ACAD10: variants seen among roughly 807,000 people sequenced by gnomAD.
ACAD10 encodes the protein ACAD-10.
In ACAD10, 112 loss-of-function variants were observed where a neutral mutation model predicts 116.8. That is an observed-to-expected ratio of 0.96 (90% CI 0.82 to 1.12). The LOEUF is 1.12. ACAD10 is among the 50% of genes most tolerant of loss of function. The pLI is 0.00. For missense variants in ACAD10, 1,259 were observed against 1,350.2 expected (o/e 0.93, Z 1.06); for synonymous variants, 486 against 510.6 (o/e 0.95, Z 0.65).
chr12:111,692,926 G>A, intron 2 of ACAD10, 30 bp downstream of exon 2: 2 of 1,606,274 alleles, frequency 1.2e-6, no homozygotes, highest in Non-Finnish European at 1.7e-6. Flanking sequence ...TCACTTTGTG[G>A]GACTAGAGTG....
rs572422068 is a variant in ACAD10, at chr12:111,728,214, G to A, written c.1243+71G>A. On this transcript the variant is annotated intron_variant, in intron 9 of 20. Transcript: ENST00000313698. ...TGCTTCTGCTTTTAGGATCTGAATC[G>A]TTTTGGGTCGTTTTGAGTATTAGCA... The A allele has an allele frequency of 1.4e-3, 2,088 of 1,465,410 alleles. 6 individuals are homozygous for A. Among genetic ancestry groups the A allele is most frequent in the South Asian group, 6.0e-3 (434 of 71,948 alleles). The allele number at this position is 1,465,410 out of a possible 1,614,324, so 90.8% of individuals were successfully genotyped here. A position where few individuals can be genotyped will look rare whatever the true frequency, so the allele number is the denominator to read the frequency against.
chr12:111,697,582 C>A (rs1314742111), intron 2 of ACAD10, among the ~76,000 whole-genome samples: 1 of 125,888 alleles, frequency 7.9e-6, no homozygotes, highest in Admixed American at 8.1e-5. Context: ...GTTGGTCTCT[C>A]TCTTTTTTTT....
chr12:111,748,944 T>A, intron 17 of ACAD10: 1 of 1,467,722 alleles, frequency 6.8e-7, no homozygotes, highest in Middle Eastern at 1.7e-4. Flanking sequence ...ATTATGTTTT[T>A]ATAAAAGGAA....
intron 17 of ACAD10, 160 bp from the exon 18 acceptor site, chr12:111,749,012 CT>C (rs1889993876): frequency 6.2e-7 from 1 of 1,612,416 alleles, no homozygotes; most frequent in Non-Finnish European, 8.5e-7. Context: ...GTTTAACAGG[CT>C]GTTTCCTGCC....
chr12:111,710,587 C>G (rs935980883), intron 5 of ACAD10, among the ~76,000 whole-genome samples: 1 of 151,788 alleles, frequency 6.6e-6, no homozygotes, highest in Admixed American at 6.6e-5. Flanking sequence ...CTCTGCCTCC[C>G]TGGTTCAAGC....
intron 10 of ACAD10, among the ~76,000 whole-genome samples, chr12:111,730,227 A>G (rs890484805): frequency 6.6e-6 from 1 of 152,152 alleles, no homozygotes; most frequent in South Asian, 2.1e-4. Context: ...ACCCCTCCCC[A>G]CAGAGTGTGA....
chr12:111,736,672 T>C (rs1008060007), intron 11 of ACAD10, among the ~76,000 whole-genome samples, 159 bp from the exon 12 acceptor site: 9 of 152,190 alleles, frequency 5.9e-5, no homozygotes, highest in African/African-American at 2.2e-4. Context: ...CCCAGCCATC[T>C]AAGGGAGCAA....
intron 18 of ACAD10, chr12:111,753,448 A>G (rs776381450): frequency 7.5e-6 from 4 of 534,858 alleles, no homozygotes; most frequent in Admixed American, 2.2e-5. Flanking sequence ...GCTCAGATCT[A>G]TAACTGCTCC....
At chr12:111,693,304 C>T (rs536846943) in intron 2 of ACAD10, among the ~76,000 whole-genome samples, 2 of 152,130 alleles carry the variant, frequency 1.3e-5, no homozygotes, top group Admixed American at 6.6e-5. Context: ...TTTTGGAGGC[C>T]GAGGTGAGAG....
intron 10 of ACAD10, 83 bp from the exon 11 acceptor site, chr12:111,733,840 C>T: frequency 6.3e-7 from 1 of 1,575,842 alleles, no homozygotes; most frequent in Non-Finnish European, 8.7e-7. Flanking sequence ...GGAGCCAAGC[C>T]TAAAGGGCAA....
intron 1 of ACAD10, among the ~76,000 whole-genome samples, chr12:111,691,693 T>A (rs1052510652): frequency 9.3e-5 from 14 of 150,620 alleles, no homozygotes; most frequent in Non-Finnish European, 1.6e-4. Flanking sequence ...CCTCCCAAGT[T>A]CAAGCAATTC....
At chr12:111,698,622 C>T (rs1260913893) in intron 2 of ACAD10, among the ~76,000 whole-genome samples, 3 of 151,406 alleles carry the variant, frequency 2.0e-5, no homozygotes, top group African/African-American at 7.3e-5. Flanking sequence ...GGATTACAGG[C>T]ATGCACCACC....
intron 12 of ACAD10, among the ~76,000 whole-genome samples, chr12:111,743,392 G>A (rs1386755263): frequency 2.1e-5 from 3 of 144,188 alleles, no homozygotes; most frequent in Admixed American, 1.4e-4. Context: ...TTTTTGAAAT[G>A]GAGTCTCGCT....
chr12:111,700,028 A>T (rs1288267941), intron 2 of ACAD10, among the ~76,000 whole-genome samples: 1 of 152,162 alleles, frequency 6.6e-6, no homozygotes, highest in Non-Finnish European at 1.5e-5. Flanking sequence ...ATAGTAAACA[A>T]GTGTGGTTGT....
At chr12:111,753,714 C>T in intron 18 of ACAD10, 58 bp from the exon 19 acceptor site, 1 of 1,612,350 alleles carries the variant, frequency 6.2e-7, no homozygotes, top group Non-Finnish European at 8.5e-7. Flanking sequence ...CAGCCCCCGC[C>T]TCTCGTGGCC....
chr12:111,696,467 A>G (rs1468086923), intron 2 of ACAD10, among the ~76,000 whole-genome samples: 1 of 152,216 alleles, frequency 6.6e-6, no homozygotes, highest in African/African-American at 2.4e-5. Flanking sequence ...AATTATGTGA[A>G]GTTCATATTT....
In ACAD10 at chr12:111,721,713, C is replaced by A. The variant is rs752809036; in HGVS notation, c.1035C>A (p.Asn345Lys). The A allele has an allele frequency of 1.2e-6, 2 of 1,601,278 alleles. No homozygotes were observed. The highest frequency in any genetic ancestry group is 1.7e-6 in the Non-Finnish European group (2 of 1,170,370). The stretch of plus-strand genomic sequence containing the variant: ...CAAATGCTGGAGTACCTGTCCCTAA[C>A]GTTCTTGATCTCTGTGAAGATTCAA... ...ALANAGVPVP[N>K]VLDLCEDSSV... Residue 345 changes from asparagine (N) to lysine (K), a missense_variant, in exon 8 of 21, where the codon AAC becomes AAA. Asn to Lys is a moderately conservative substitution (Grantham distance 94). Transcript: ENST00000313698.
intron 7 of ACAD10, among the ~76,000 whole-genome samples, chr12:111,718,589 C>T (rs1888918452): frequency 6.6e-6 from 1 of 152,112 alleles, no homozygotes; most frequent in African/African-American, 2.4e-5. Context: ...AAGTGATTCT[C>T]CTGTCTCAGC....
At chr12:111,706,455 AT>A in intron 4 of ACAD10, among the ~76,000 whole-genome samples, 1 of 151,672 alleles carries the variant, frequency 6.6e-6, no homozygotes, top group East Asian at 1.9e-4. Context: ...ATTTATTTTT[AT>A]TTTTTTATTT....
Sources: allele counts gnomAD v4.1 joint callset (sites outside exome capture counted in the v4.1 genomes callset), GRCh38; gene constraint gnomAD v4.1.1; transcripts MANE v1.5; gene names NCBI Gene and HGNC (gene_info 2026-07-23, HGNC 2026-07-21).